C12orf50: variants seen among roughly 807,000 people sequenced by gnomAD.
The protein encoded by C12orf50 is uncharacterized protein C12orf50.
C12orf50 carries 35 observed loss-of-function variants against 61.6 expected under a neutral mutation model. The observed-to-expected ratio is 0.57, with a 90% CI of 0.43 to 0.75. The LOEUF is 0.75. Among genes scored for constraint, C12orf50 ranks in the 30% least tolerant of loss-of-function variants. C12orf50 has a pLI of 0.00. For synonymous variants in C12orf50, 178 were observed against 161.5 expected, an observed-to-expected ratio of 1.10 and a Z score of -0.77; for missense variants, 475 against 488.5, an observed-to-expected ratio of 0.97 and a Z score of 0.26.
chr12:88,026,912 A>G, intron 2 of C12orf50, 39 bp downstream of exon 2: 1 of 1,599,896 alleles, frequency 6.3e-7, no homozygotes, highest in South Asian at 1.1e-5. Flanking sequence ...TTGAAGGGAA[A>G]TACTTTTTGA....
At chr12:87,987,015 A>G (rs2030859347) in intron 9 of C12orf50, among the ~76,000 whole-genome samples, 1 of 152,160 alleles carries the variant, frequency 6.6e-6, no homozygotes, top group Non-Finnish European at 1.5e-5. Context: ...TCTATGGTAC[A>G]TATCTCCAGA....
chr12:88,016,297 A>G (rs1313283145), intron 3 of C12orf50, among the ~76,000 whole-genome samples: 1 of 152,226 alleles, frequency 6.6e-6, no homozygotes, highest in East Asian at 1.9e-4. Context: ...AAATTTATCA[A>G]TTAATCATAT....
At chr12:88,005,912 G>GTTTTTTTTTT (rs371924944) in intron 3 of C12orf50, among the ~76,000 whole-genome samples, 1 of 91,032 alleles carries the variant, frequency 1.1e-5, no homozygotes, top group African/African-American at 4.3e-5. Context: ...TGTTTTTTTG[G>GTTTTTTTTTT]TTTTTTTTTT....
chr12:87,980,595 G>T (rs910458129), intron 12 of C12orf50, among the ~76,000 whole-genome samples: 1 of 152,118 alleles, frequency 6.6e-6, no homozygotes, highest in African/African-American at 2.4e-5. Flanking sequence ...ATATAAGGCT[G>T]TGCTATGGGA....
At chr12:87,994,915 G>A (rs552939934) in intron 6 of C12orf50, among the ~76,000 whole-genome samples, 172 bp from the exon 7 acceptor site, 4 of 152,218 alleles carry the variant, frequency 2.6e-5, no homozygotes, top group African/African-American at 7.2e-5. Context: ...TAAATTCTGT[G>A]TCAACAAAGA....
chr12:88,003,610 A>G (rs975855519), intron 3 of C12orf50, among the ~76,000 whole-genome samples: 5 of 151,710 alleles, frequency 3.3e-5, no homozygotes, highest in African/African-American at 1.2e-4. Context: ...GATTGCCACA[A>G]TTTTTTTTCT....
chr12:88,024,084 C>A (rs1417861543), intron 3 of C12orf50, among the ~76,000 whole-genome samples: 1 of 152,086 alleles, frequency 6.6e-6, no homozygotes, highest in African/African-American at 2.4e-5. Flanking sequence ...GAAATACCAC[C>A]TCATACCAAT....
rs201866729 is a variant in C12orf50, at chr12:87,985,908, C to T, written c.1068G>A (p.Thr356=). The change falls in exon 11 of 13, where the codon ACG becomes ACA. Residue 356 remains threonine (T), a synonymous_variant. Transcript: ENST00000298699. ...CATGGACTTTATTGTAGGACCCATG[C>T]GTGGGCCTGCTGCGGGAAGGTGCAT... ...ALNAPSRSRP[T]HGSYNKVHAN... is the part of the protein sequence containing the mutation. The T allele has an allele frequency of 3.2e-5, 52 of 1,613,600 alleles. No individual in the cohort carries two copies. Among genetic ancestry groups the T allele is most frequent in the Non-Finnish European group, 4.1e-5 (48 of 1,179,874 alleles).
In C12orf50 at chr12:88,008,442, A is replaced by G. The variant is rs540865066; in HGVS notation, c.134-10252T>C. Among the ~76,000 whole-genome samples, 147 of 152,180 alleles carry G rather than the reference A, an allele frequency of 9.7e-4. 1 individual carries two copies. The highest frequency in any genetic ancestry group is 3.4e-3 in the African/African-American group (141 of 41,556). ...GGTATTCTATGGTGTATATGTATTAATACCACATTTTCTTTATCCAGTCTA... is the reference window on the plus strand; with the variant it reads ...GGTATTCTATGGTGTATATGTATTAGTACCACATTTTCTTTATCCAGTCTA... On this transcript the variant is annotated intron_variant, in intron 3 of 12. Coordinates refer to ENST00000298699, the MANE Select transcript of C12orf50 (RefSeq NM_152589.3).
chr12:88,029,150 T>G (rs1592693323), intron 1 of C12orf50, 190 bp downstream of exon 1: 10 of 865,458 alleles, frequency 1.2e-5, no homozygotes, highest in Non-Finnish European at 1.5e-5. Context: ...AATCCAATGG[T>G]TTTTTTTTTT....
In C12orf50 at chr12:88,007,902, T is replaced by C. The variant is rs182393930; in HGVS notation, c.134-9712A>G. Reference sequence around the variant, plus strand: ...TCCTAAAGGCATGTTAAAGACCATATGGCTTTAAAAGTGGAACTTTATCAT... The same window carrying C: ...TCCTAAAGGCATGTTAAAGACCATACGGCTTTAAAAGTGGAACTTTATCAT... On this transcript the variant is annotated intron_variant, in intron 3 of 12. Coordinates refer to ENST00000298699, the MANE Select transcript of C12orf50 (RefSeq NM_152589.3). 2.4e-3 allele frequency among the ~76,000 whole-genome samples: 363 copies of C among 152,192 alleles called. 1 individual carries two copies. The highest frequency in any genetic ancestry group is 0.013 in the South Asian group (61 of 4,820).
intron 3 of C12orf50, among the ~76,000 whole-genome samples, chr12:88,017,361 C>T (rs745951209): frequency 5.9e-5 from 9 of 152,168 alleles, no homozygotes; most frequent in Non-Finnish European, 1.3e-4. Flanking sequence ...GTGACTTGCT[C>T]CTCCTTGCCT....
intron 3 of C12orf50, among the ~76,000 whole-genome samples, chr12:88,015,745 A>G (rs1410322074): frequency 6.6e-6 from 1 of 152,214 alleles, no homozygotes; most frequent in African/African-American, 2.4e-5. Context: ...AGCATTCTCA[A>G]TTGGTTTAGC....
chr12:88,009,003 A>G (rs535317270), intron 3 of C12orf50, among the ~76,000 whole-genome samples: 1 of 152,180 alleles, frequency 6.6e-6, no homozygotes, highest in Non-Finnish European at 1.5e-5. Flanking sequence ...ATCACTGTCT[A>G]GTATTGAATG....
At chr12:87,992,268 A>ATG (rs1322681000) in intron 7 of C12orf50, among the ~76,000 whole-genome samples, 1 of 152,150 alleles carries the variant, frequency 6.6e-6, no homozygotes, top group Non-Finnish European at 1.5e-5. Context: ...ATGTAGGTAT[A>ATG]TGTGTGTGTG....
rs764555346 is a variant in C12orf50, at chr12:87,983,131, T to C, written c.1191A>G (p.Thr397=). The change falls in exon 12 of 13, where the codon ACA becomes ACG. Residue 397 remains threonine (T), a synonymous_variant. Transcript: ENST00000298699. ...AWRKRIPFSK[T]YSKSEKIYPE... ...GATATATCTTTTCACTTTTTGAATA[T>C]GTTTTTGAAAAAGGAATTCGTTTTC... 1 of 1,600,724 alleles carries C rather than the reference T, an allele frequency of 6.2e-7. No individual in the cohort carries two copies. The highest frequency in any genetic ancestry group is 8.5e-7 in the Non-Finnish European group (1 of 1,169,848).
At chr12:87,994,361 GAC>G (rs35200222) in intron 7 of C12orf50, among the ~76,000 whole-genome samples, 3,619 of 150,114 alleles carry the variant, frequency 0.024, 141 homozygotes, top group African/African-American at 0.078. Flanking sequence ...CCTACACACA[GAC>G]ACACACACAC....
At position 87,980,372 on chromosome 12, in the gene C12orf50, AC is replaced by A. The variant is rs1015297234; in HGVS notation, c.1220-17del. 2.5e-6 allele frequency: 4 copies of A among 1,594,488 alleles called. No individual in the cohort carries two copies. In the African/African-American group the frequency reaches 5.4e-5, roughly 21 times the overall value. ...CTTCTTGGCTCTAATAATAAAATAC[AC>A]AAAATATTTCAATTATTTTCTTGTT... On this transcript the variant is annotated splice_polypyrimidine_tract_variant and intron_variant, in intron 12 of 12. Transcript: ENST00000298699.
At chr12:88,029,148 G>C in intron 1 of C12orf50, 192 bp downstream of exon 1, 1 of 1,250,352 alleles carries the variant, frequency 8.0e-7, no homozygotes. Flanking sequence ...CTAATCCAAT[G>C]GTTTTTTTTT....
Sources: allele counts gnomAD v4.1 joint callset (sites outside exome capture counted in the v4.1 genomes callset), GRCh38; gene constraint gnomAD v4.1.1; transcripts MANE v1.5; gene names NCBI Gene and HGNC (gene_info 2026-07-23, HGNC 2026-07-21).